The following UBE3A variants were observed in gnomAD, a reference collection of about 807,000 sequenced individuals.
The protein encoded by UBE3A is ubiquitin protein ligase E3A.
Under a neutral mutation model 83.4 loss-of-function variants are expected in UBE3A, and 6 were observed. That is an observed-to-expected ratio of 0.07 (90% confidence interval 0.04 to 0.14). The LOEUF is 0.14. UBE3A is among the 10% of genes least tolerant of loss of function. The pLI, the probability that UBE3A is intolerant of heterozygous loss-of-function variation, is 1.00. For synonymous variants in UBE3A, 337 were observed against 355.4 expected (o/e 0.95, Z 0.58); for missense variants, 456 against 1,036.1 (o/e 0.44, Z 7.69).
chr15:25,430,109 TA>T (rs1392459486), intron 1 of UBE3A, among the ~76,000 whole-genome samples: 1 of 91,508 alleles, frequency 1.1e-5, no homozygotes, highest in Non-Finnish European at 1.9e-5. Context: ...ATTATATATA[TA>T]ATACATATAT....
At chr15:25,425,922 T>A (rs932293921) in intron 1 of UBE3A, among the ~76,000 whole-genome samples, 9 of 152,172 alleles carry the variant, frequency 5.9e-5, no homozygotes, top group Non-Finnish European at 1.2e-4. Flanking sequence ...TACACAGTCA[T>A]ACATACATAG....
intron 11 of UBE3A, chr15:25,354,033 T>A: frequency 2.6e-6 from 1 of 388,180 alleles, no homozygotes; most frequent in Non-Finnish European, 4.7e-6. Flanking sequence ...AAAGGAAAAA[T>A]TGCAGACATG....
intron 1 of UBE3A, among the ~76,000 whole-genome samples, chr15:25,423,416 G>C (rs2153162116): frequency 6.6e-6 from 1 of 152,228 alleles, no homozygotes; most frequent in African/African-American, 2.4e-5. Context: ...CTAATGGCCT[G>C]ACATCTTATT....
rs550882297 is a variant in UBE3A at position 25,392,515 on chromosome 15, C to T, written c.62+12946G>A. On this transcript the variant is annotated intron_variant, in intron 4 of 12. Coordinates refer to ENST00000648336, the MANE Select transcript of UBE3A (RefSeq NM_130839.5). ...AATGTCTACTTCAGTATAAATTCTG[C>T]TTGTCAGGCTACATAAAAAGGGCTC... Among the ~76,000 whole-genome samples the T allele has an allele frequency of 2.3e-4, 35 of 152,198 alleles. No individual in the cohort carries two copies. In the South Asian group the frequency reaches 7.1e-3, roughly 31 times the overall value.
At chr15:25,427,396 T>A (rs1313169077) in intron 1 of UBE3A, among the ~76,000 whole-genome samples, 1 of 151,710 alleles carries the variant, frequency 6.6e-6, no homozygotes, top group Non-Finnish European at 1.5e-5. Flanking sequence ...AAAAGCAGCC[T>A]GTGTGGTAAG....
intron 11 of UBE3A, among the ~76,000 whole-genome samples, chr15:25,351,794 G>C (rs1367046266): frequency 2.0e-5 from 3 of 152,298 alleles, no homozygotes; most frequent in Middle Eastern, 3.4e-3. Context: ...TGACTGCTTA[G>C]AGACATCTTT....
chr15:25,406,911 T>A (rs930363108), intron 3 of UBE3A, among the ~76,000 whole-genome samples: 1 of 151,098 alleles, frequency 6.6e-6, no homozygotes, highest in African/African-American at 2.4e-5. Context: ...TAGATCTTCT[T>A]TGCAATGTAT....
intron 1 of UBE3A, among the ~76,000 whole-genome samples, chr15:25,428,886 C>T (rs1204620124): frequency 1.3e-5 from 2 of 152,226 alleles, no homozygotes; most frequent in African/African-American, 4.8e-5. Flanking sequence ...TTTCCCAAAA[C>T]ACCTGCACAT....
chr15:25,428,970 T>C (rs1197995736), intron 1 of UBE3A, among the ~76,000 whole-genome samples: 1 of 152,116 alleles, frequency 6.6e-6, no homozygotes, highest in Non-Finnish European at 1.5e-5. Flanking sequence ...TATCCATCAA[T>C]AGTGGGACAC....
At chr15:25,433,030 C>G (rs1402953165) in intron 1 of UBE3A, among the ~76,000 whole-genome samples, 3 of 152,102 alleles carry the variant, frequency 2.0e-5, no homozygotes, top group African/African-American at 7.2e-5. Flanking sequence ...CAGATTAACA[C>G]AACAGGTCTG....
chr15:25,424,671 G>GA (rs915705013), intron 1 of UBE3A, among the ~76,000 whole-genome samples: 1 of 150,000 alleles, frequency 6.7e-6, no homozygotes, highest in African/African-American at 2.4e-5. Context: ...CAGTTAAGAG[G>GA]AAAAAAAAAT....
intron 1 of UBE3A, chr15:25,417,994 C>G (rs189938714): frequency 3.6e-4 from 54 of 152,054 alleles, no homozygotes; most frequent in African/African-American, 1.1e-3. Context: ...TTACACAAAT[C>G]TAGATTAGAT....
chr15:25,369,546 TTGTC>T (rs1183664756), intron 6 of UBE3A, among the ~76,000 whole-genome samples: 4 of 152,170 alleles, frequency 2.6e-5, no homozygotes, highest in African/African-American at 9.7e-5. Context: ...CATTTCCTAG[TTGTC>T]TGTGTCAGAC....
chr15:25,364,082 G>T (rs1425942913), intron 6 of UBE3A, among the ~76,000 whole-genome samples: 2 of 85,820 alleles, frequency 2.3e-5, no homozygotes, highest in African/African-American at 8.6e-5. Flanking sequence ...AAAAAATAGT[G>T]GGGGGTGGTG....
In UBE3A at chr15:25,335,470, T is replaced by G. The variant is rs960891188; in HGVS notation, c.*3667A>C. ...GGAGATGAGAGTCAGGGAGTGAAAT[T>G]AGGCAGCTGCTAAGAATGTCCGGGT... On this transcript the variant is annotated 3_prime_UTR_variant, in exon 13 of 13. Coordinates refer to ENST00000648336, the MANE Select transcript of UBE3A (RefSeq NM_130839.5). 2 of 152,054 alleles carry G rather than the reference T, an allele frequency of 1.3e-5. No individual in the cohort carries two copies. The highest frequency in any genetic ancestry group is 4.8e-5 in the African/African-American group (2 of 41,372). 9.4% of individuals were successfully genotyped at this position (152,054 alleles called of 1,614,324 possible).
At chr15:25,379,938 A>G (rs367680569) in intron 4 of UBE3A, among the ~76,000 whole-genome samples, 1 of 152,170 alleles carries the variant, frequency 6.6e-6, no homozygotes, top group African/African-American at 2.4e-5. Context: ...TTATAAATAT[A>G]CTATATATGA....
chr15:25,403,435 T>TACAC (rs371327639), intron 4 of UBE3A, among the ~76,000 whole-genome samples: 5 of 151,312 alleles, frequency 3.3e-5, no homozygotes, highest in African/African-American at 1.2e-4. Context: ...ACTATTGAAG[T>TACAC]ACACACACAC....
chr15:25,360,352 G>A (rs752281883), intron 7 of UBE3A, 31 bp downstream of exon 7: 5 of 1,612,280 alleles, frequency 3.1e-6, no homozygotes, highest in African/African-American at 1.3e-5. Context: ...AAGATGATAC[G>A]ACACCATAAT....
intron 4 of UBE3A, among the ~76,000 whole-genome samples, chr15:25,378,468 G>A (rs546878065): frequency 6.6e-6 from 1 of 152,204 alleles, no homozygotes; most frequent in East Asian, 1.9e-4. Context: ...GTATTTGCTG[G>A]ATGCCTGATA....
Sources: allele counts gnomAD v4.1 joint callset (sites outside exome capture counted in the v4.1 genomes callset), GRCh38; gene constraint gnomAD v4.1.1; transcripts MANE v1.5; gene names NCBI Gene and HGNC (gene_info 2026-07-23, HGNC 2026-07-21).